Variants in LRP2 observed in about 807,000 individuals in gnomAD.
LRP2 encodes the protein low-density lipoprotein receptor-related protein 2.
Under a neutral mutation model 531.0 loss-of-function variants are expected in LRP2, and 172 were observed. The observed-to-expected ratio is 0.32, with a 90% CI of 0.29 to 0.37. The LOEUF is 0.37. Among genes scored for constraint, LRP2 ranks in the 10% least tolerant of loss-of-function variants. The pLI is 1.00. For synonymous variants in LRP2, 1,992 were observed against 2,027.6 expected (o/e 0.98, Z 0.47); for missense variants, 5,167 against 5,868.3 (o/e 0.88, Z 3.90).
At chr2:169,262,507 A>G (rs1231633558) in intron 16 of LRP2, among the ~76,000 whole-genome samples, 5 of 146,702 alleles carry the variant, frequency 3.4e-5, no homozygotes, top group African/African-American at 1.0e-4. Flanking sequence ...TGCTTCAAAG[A>G]GAATAAAATA....
intron 14 of LRP2, among the ~76,000 whole-genome samples, chr2:169,273,425 A>C (rs1405881073): frequency 6.6e-6 from 1 of 152,192 alleles, no homozygotes; most frequent in Non-Finnish European, 1.5e-5. Flanking sequence ...TGTAGGATAT[A>C]ATAAATATTA....
At chr2:169,263,731 C>A (rs1690668533) in intron 16 of LRP2, among the ~76,000 whole-genome samples, 1 of 152,254 alleles carries the variant, frequency 6.6e-6, no homozygotes, top group Non-Finnish European at 1.5e-5. Flanking sequence ...TTTGACCCAG[C>A]CATCGCATTA....
Position 169,212,079 on chromosome 2 carries a change from A to T in LRP2, c.6169T>A (p.Ser2057Thr). 6.2e-7 allele frequency: 1 copy of T among 1,614,072 alleles called. No homozygotes were observed. The highest frequency in any genetic ancestry group is 1.1e-5 in the South Asian group (1 of 91,084). ...TGFKLNPDNR[S>T]CSPYNSFIVV... ...ATGAAAGAGTTATATGGAGAGCAGG[A>T]CCGATTATCAGGATTGAGTTTAAAT... The change falls in exon 37 of 79, where the codon TCC becomes ACC. Residue 2057 changes from serine to threonine, a missense_variant. Ser to Thr is a moderately conservative substitution (Grantham distance 58). Coordinates refer to ENST00000649046, the MANE Select transcript of LRP2 (RefSeq NM_004525.3).
chr2:169,270,149 CT>C (rs1308169529), intron 16 of LRP2, among the ~76,000 whole-genome samples: 3 of 152,180 alleles, frequency 2.0e-5, no homozygotes, highest in African/African-American at 7.2e-5. Context: ...CACTTTTACA[CT>C]GTTGGAGGGA....
At chr2:169,160,685 A>AAAACAAAAAAAAACAAAAAAAAAC (rs1558986503) in intron 63 of LRP2, among the ~76,000 whole-genome samples, 5 of 94,282 alleles carry the variant, frequency 5.3e-5, no homozygotes, top group East Asian at 4.6e-4. Flanking sequence ...ATTTCCTTAA[A>AAAACAAAAAAAAACAAAAAAAAAC]AAAAAAAAAA....
At chr2:169,345,380 T>G (rs1419607419) in intron 1 of LRP2, among the ~76,000 whole-genome samples, 1 of 152,166 alleles carries the variant, frequency 6.6e-6, no homozygotes, top group African/African-American at 2.4e-5. Context: ...TCATTTTGAA[T>G]TACTTCAAAA....
intron 43 of LRP2, among the ~76,000 whole-genome samples, chr2:169,202,305 T>C (rs1454225016): frequency 1.3e-5 from 2 of 152,214 alleles, no homozygotes; most frequent in African/African-American, 4.8e-5. Context: ...TTGGAAGTTA[T>C]TTTCATAAAA....
At position 169,209,434 on chromosome 2, in the gene LRP2, C is replaced by T. The variant is rs747698653; in HGVS notation, c.6469+19G>A. 87 of 1,610,660 alleles carry T rather than the reference C, an allele frequency of 5.4e-5. No homozygotes were observed. Among genetic ancestry groups the T allele is most frequent in the Non-Finnish European group, 4.6e-5 (54 of 1,177,058 alleles). On this transcript the variant is annotated intron_variant, in intron 38 of 78. Transcript: ENST00000649046. ...GACAGAGATGCAAACATATTAAAAT[C>T]ACCATATAGCTTACATACCTGCTAC...
At chr2:169,254,916 G>A (rs1574183509) in intron 19 of LRP2, among the ~76,000 whole-genome samples, 1 of 152,016 alleles carries the variant, frequency 6.6e-6, no homozygotes, top group South Asian at 2.1e-4. Context: ...GAGGGGGACG[G>A]GAGGAGTATT....
intron 4 of LRP2, among the ~76,000 whole-genome samples, chr2:169,299,163 GAAAGAAAGAAAA>G (rs1559064097): frequency 1.6e-4 from 3 of 18,732 alleles, no homozygotes; most frequent in Admixed American, 6.3e-4. Flanking sequence ...AAGAAAAAAA[GAAAGAAAGAAAA>G]AGAAAGAAAG....
In LRP2 at chr2:169,292,347, G is replaced by A. The variant is rs370166127; in HGVS notation, c.675C>T (p.Tyr225=). 1 of 1,613,616 alleles carries A rather than the reference G, an allele frequency of 6.2e-7. No individual in the cohort carries two copies. The highest frequency in any genetic ancestry group is 8.5e-7 in the Non-Finnish European group (1 of 1,179,562). Residue 225 remains tyrosine (Y), a synonymous_variant, in exon 7 of 79, where the codon TAC becomes TAT. Transcript: ENST00000649046. ...HACNYPTCGG[Y]QFTCPSGRCI... ...ATCGGCCACTGGGGCAAGTGAACTG[G>A]TAACCACCGCAGGTCGGATAGTCTG...
chr2:169,297,456 T>A (rs1244541131), intron 4 of LRP2, among the ~76,000 whole-genome samples: 1 of 152,150 alleles, frequency 6.6e-6, no homozygotes, highest in Non-Finnish European at 1.5e-5. Flanking sequence ...TCCTTCTGAA[T>A]TTGGTTTTAA....
chr2:169,324,229 T>C (rs998112986), intron 1 of LRP2, among the ~76,000 whole-genome samples: 1 of 152,172 alleles, frequency 6.6e-6, no homozygotes, highest in Admixed American at 6.5e-5. Flanking sequence ...AGCAAATATG[T>C]GCAAAGCAAG....
chr2:169,241,507 G>A, intron 24 of LRP2, 142 bp from the exon 25 acceptor site: 1 of 894,952 alleles, frequency 1.1e-6, no homozygotes, highest in Non-Finnish European at 1.8e-6. Flanking sequence ...AAGGCTAAAT[G>A]ATATAGAGTC....
Position 169,246,894 on chromosome 2 carries a change from G to A in LRP2, c.3001C>T (p.Pro1001Ser). The change falls in exon 21 of 79, where the codon CCT becomes TCT. Residue 1001 changes from proline to serine, a missense_variant. This residue lies in a region of LRP2 where 2,811 missense variants were observed against 3,058.0 expected (regional missense o/e 0.92). Coordinates refer to ENST00000649046, the MANE Select transcript of LRP2 (RefSeq NM_004525.3). The part of the protein sequence containing the change: ...VPNFQRVCGC[P>S]YGMRLASNHL... ...TTGGAAGCCAGCCTCATTCCATAAG[G>A]GCACCCACACACTCGCTGGAAATTT... The A allele has an allele frequency of 6.2e-7, 1 of 1,614,164 alleles. No homozygotes were observed.
At position 169,233,444 on chromosome 2, in the gene LRP2, T is replaced by G; in HGVS notation, c.5065A>C (p.Ile1689Leu). 1 of 1,614,160 alleles carries G rather than the reference T, an allele frequency of 6.2e-7. No homozygotes were observed. Among genetic ancestry groups the G allele is most frequent in the Non-Finnish European group, 8.5e-7 (1 of 1,180,032 alleles). ...VMYNIQWPLG[I>L]VAVHPSKQPN... ...TGTTTCGAAGGATGAACCGCAACAA[T>G]CCCAAGGGGCCATTGAATATTATAC... Residue 1689 changes from isoleucine (I) to leucine (L), a missense_variant, in exon 30 of 79, where the codon ATT becomes CTT. Around this residue, in one of 6 missense-constraint regions of LRP2, gnomAD observed 2,811 missense variants for 3,058.0 expected, o/e 0.92. Coordinates refer to ENST00000649046, the MANE Select transcript of LRP2 (RefSeq NM_004525.3).
chr2:169,323,036 G>T (rs1433524066), intron 1 of LRP2, among the ~76,000 whole-genome samples: 1 of 151,990 alleles, frequency 6.6e-6, no homozygotes, highest in Admixed American at 6.6e-5. Context: ...ATCATGAAAA[G>T]AACACAAAAT....
At chr2:169,203,014 T>C (rs1328677032) in intron 42 of LRP2, 55 bp from the exon 43 acceptor site, 16 of 1,461,162 alleles carry the variant, frequency 1.1e-5, no homozygotes, top group Non-Finnish European at 1.3e-5. Flanking sequence ...ACCGTTCACA[T>C]TGACCCCTCC....
At chr2:169,254,635 G>T (rs1314818478) in intron 19 of LRP2, among the ~76,000 whole-genome samples, 1 of 26,236 alleles carries the variant, frequency 3.8e-5, no homozygotes, top group Middle Eastern at 0.013. Context: ...CTAAAACTTA[G>T]AGTATAATAA....
Sources: gnomAD v4.1 joint callset for allele counts (sites outside exome capture counted in the v4.1 genomes callset) on GRCh38, gnomAD v4.1.1 for gene constraint, gnomAD v4.1.1 regional missense constraint, MANE v1.5 for transcripts, NCBI Gene and HGNC (gene_info 2026-07-23, HGNC 2026-07-21) for gene names.